Variants in TCEANC2 observed in about 807,000 individuals in gnomAD.
TCEANC2 encodes transcription elongation factor A N-terminal and central domain containing 2, also known as transcription elongation factor A N-terminal and central domain-containing protein 2.
TCEANC2 carries 20 observed loss-of-function variants against 22.8 expected under a neutral mutation model. That is an observed-to-expected ratio of 0.88 (90% CI 0.62 to 1.28). TCEANC2 has a LOEUF of 1.28. TCEANC2 is among the 50% of genes most tolerant of loss of function. TCEANC2 has a pLI of 0.00. For missense variants in TCEANC2, 251 were observed against 249.7 expected, an observed-to-expected ratio of 1.01 and a Z score of -0.03; for synonymous variants, 84 against 95.5, an observed-to-expected ratio of 0.88 and a Z score of 0.70.
At chr1:54,078,146 T>G (rs1658178498) in intron 3 of TCEANC2, among the ~76,000 whole-genome samples, 1 of 152,178 alleles carries the variant, frequency 6.6e-6, no homozygotes, top group South Asian at 2.1e-4. Flanking sequence ...TTGGCACTTT[T>G]TCTTTTTTTT....
chr1:54,084,665 C>T (rs1188692704), intron 3 of TCEANC2, among the ~76,000 whole-genome samples: 3 of 151,968 alleles, frequency 2.0e-5, no homozygotes, highest in Admixed American at 2.0e-4. Context: ...AGTTCGAGAC[C>T]AGCCTGGCCA....
chr1:54,103,024 G>A lies in TCEANC2; in HGVS notation c.*6551G>A, dbSNP rs959907674. The A allele has an allele frequency of 6.6e-6, 1 of 152,448 alleles. No individual in the cohort carries two copies. Among genetic ancestry groups the A allele is most frequent in the Admixed American group, 6.5e-5 (1 of 15,290 alleles). 9.4% of individuals were successfully genotyped at this position (152,448 alleles called of 1,614,324 possible). ...ATAAGATTGGAAAATTGGAAACAAGGAGACCTGTGGTGGAGGCATGTAGTT... is the reference window on the plus strand; with the variant it reads ...ATAAGATTGGAAAATTGGAAACAAGAAGACCTGTGGTGGAGGCATGTAGTT... On this transcript the variant is annotated 3_prime_UTR_variant, in exon 5 of 5. Transcript: ENST00000234827.
chr1:54,096,381 G>T lies in TCEANC2; in HGVS notation c.535G>T (p.Val179Phe). 1 of 1,613,692 alleles carries T rather than the reference G, an allele frequency of 6.2e-7. No homozygotes were observed. Among genetic ancestry groups the T allele is most frequent in the East Asian group, 2.2e-5 (1 of 44,878 alleles). ...GPYRRTVRAL[V>F]FTLKHRAEIR... is the part of the protein sequence containing the mutation. ...GTACCGGCGGACGGTGAGAGCCCTG[G>T]TCTTCACATTAAAGCACCGAGCTGA... The change falls in exon 5 of 5, where the codon GTC (valine) becomes TTC (phenylalanine). Residue 179 changes from valine to phenylalanine, a missense_variant. Transcript: ENST00000234827. This position sits in a 1 kb window ranked among gnomAD's most constrained non-coding sequence, Gnocchi z 4.9.
chr1:54,079,221 C>A (rs1658197509), intron 3 of TCEANC2, among the ~76,000 whole-genome samples: 1 of 152,064 alleles, frequency 6.6e-6, no homozygotes, highest in Non-Finnish European at 1.5e-5. Context: ...CAACAAAACC[C>A]CTCTTCTTAC....
intron 4 of TCEANC2, among the ~76,000 whole-genome samples, chr1:54,091,557 T>C (rs146929143): frequency 2.6e-5 from 4 of 152,294 alleles, no homozygotes; most frequent in African/African-American, 9.6e-5. Flanking sequence ...TATCCTTTAA[T>C]AGTGAAAGCC....
At chr1:54,056,220 G>A (rs919964383) in intron 2 of TCEANC2, among the ~76,000 whole-genome samples, 17 of 152,176 alleles carry the variant, frequency 1.1e-4, no homozygotes, top group Non-Finnish European at 2.4e-4. Context: ...GATCATGTCA[G>A]ACTCTCTCCA....
At position 54,105,992 on chromosome 1, in the gene TCEANC2, T is replaced by A. The variant is rs1053298765; in HGVS notation, c.*9519T>A. On this transcript the variant is annotated 3_prime_UTR_variant, in exon 5 of 5. Coordinates refer to ENST00000234827, the MANE Select transcript of TCEANC2 (RefSeq NM_153035.3). ...GCCACATGGTCTCTGTCACAACTAT[T>A]CAGCTCTGCTATTGTAATACAAAAG... 2 of 152,208 alleles carry A rather than the reference T, an allele frequency of 1.3e-5. No individual in the cohort carries two copies. Among genetic ancestry groups the A allele is most frequent in the African/African-American group, 4.8e-5 (2 of 41,452 alleles). The allele number at this position is 152,208 out of a possible 1,614,324, so 9.4% of individuals were successfully genotyped here. A position where few individuals can be genotyped will look rare whatever the true frequency, so the allele number is the denominator to read the frequency against.
intron 1 of TCEANC2, 53 bp from the exon 2 acceptor site, chr1:54,054,328 A>G (rs748687756): frequency 3.5e-5 from 54 of 1,539,990 alleles, no homozygotes; most frequent in Non-Finnish European, 4.6e-5. Flanking sequence ...TGGGGAAAAA[A>G]TATCATGGCA....
rs1311944545 is a variant in TCEANC2, at chr1:54,102,455, G to GATCATCAAGTTGACCATGT, written c.*5983_*6001dup. The GATCATCAAGTTGACCATGT allele has an allele frequency of 6.6e-6, 1 of 152,214 alleles. No homozygotes were observed. Among genetic ancestry groups the GATCATCAAGTTGACCATGT allele is most frequent in the South Asian group, 2.1e-4 (1 of 4,830 alleles). 9.4% of individuals were successfully genotyped at this position (152,214 alleles called of 1,614,324 possible). A position where few individuals can be genotyped will look rare whatever the true frequency, so the allele number is the denominator to read the frequency against. The stretch of plus-strand genomic sequence containing the variant: ...GGTAGAGACAGATCATCAGACCATG[G>GATCATCAAGTTGACCATGT]ATCATCAAGTTGACCATGTGACCAA... On this transcript the variant is annotated 3_prime_UTR_variant, in exon 5 of 5. Coordinates refer to ENST00000234827, the MANE Select transcript of TCEANC2 (RefSeq NM_153035.3).
intron 3 of TCEANC2, among the ~76,000 whole-genome samples, chr1:54,071,617 G>C (rs1438366677): frequency 6.6e-6 from 1 of 152,066 alleles, no homozygotes; most frequent in Admixed American, 6.6e-5. Flanking sequence ...ATATGCTATT[G>C]GTCACACAGA....
intron 2 of TCEANC2, among the ~76,000 whole-genome samples, chr1:54,064,385 TG>T (rs1192635029): frequency 6.6e-6 from 1 of 152,096 alleles, no homozygotes; most frequent in Non-Finnish European, 1.5e-5. Flanking sequence ...CTCCATAGAG[TG>T]TGAGCTGGCT....
downstream of TCEANC2, among the ~76,000 whole-genome samples, chr1:54,110,378 C>T (rs1200923160): frequency 2.0e-5 from 3 of 151,980 alleles, no homozygotes; most frequent in East Asian, 1.9e-4. Context: ...GTGGGAGGAT[C>T]GCTTGAGCCC....
chr1:54,065,819 T>G (rs772555785), intron 2 of TCEANC2, among the ~76,000 whole-genome samples: 16 of 152,142 alleles, frequency 1.1e-4, no homozygotes, highest in Middle Eastern at 3.4e-3. Flanking sequence ...TGGCTCACAC[T>G]TGTAATCCAT....
chr1:54,057,200 T>C (rs1174660375), intron 2 of TCEANC2, among the ~76,000 whole-genome samples: 1 of 151,262 alleles, frequency 6.6e-6, no homozygotes, highest in East Asian at 1.9e-4. Flanking sequence ...TAACTCTTTT[T>C]TCTCATATCC....
Position 54,088,600 on chromosome 1 carries a change from A to T in TCEANC2, c.248A>T (p.His83Leu). The T allele has an allele frequency of 1.9e-6, 3 of 1,597,990 alleles. No homozygotes were observed. Among genetic ancestry groups the T allele is most frequent in the Non-Finnish European group, 2.6e-6 (3 of 1,175,232 alleles). ...REVLKSTRIG[H>L]TVNKMRKHSD... ...GGTTTTTCTCTTCCTGTTCCAGGTC[A>T]CACTGTGAACAAGATGCGTAAACAC... is the stretch of plus-strand genomic sequence containing the variant. The change falls in exon 4 of 5, where the codon CAC becomes CTC. Residue 83 changes from histidine (H) to leucine (L), a missense_variant. Coordinates refer to ENST00000234827, the MANE Select transcript of TCEANC2 (RefSeq NM_153035.3).
At chr1:54,091,289 T>G (rs1398782516) in intron 4 of TCEANC2, among the ~76,000 whole-genome samples, 2 of 152,210 alleles carry the variant, frequency 1.3e-5, no homozygotes, top group Non-Finnish European at 2.9e-5. Flanking sequence ...ATCTGAGATA[T>G]TTCCATATTA....
intron 4 of TCEANC2, among the ~76,000 whole-genome samples, chr1:54,094,353 G>A (rs1004310942): frequency 6.6e-6 from 1 of 152,148 alleles, no homozygotes; most frequent in Non-Finnish European, 1.5e-5. Flanking sequence ...TTTATTTGGG[G>A]TGTGTTTTTT....
chr1:54,069,738 G>A (rs1381581323), intron 3 of TCEANC2, among the ~76,000 whole-genome samples: 1 of 152,042 alleles, frequency 6.6e-6, no homozygotes, highest in African/African-American at 2.4e-5. Context: ...TCTAAACAAG[G>A]TATATACTGG....
chr1:54,054,522 A>T lies in TCEANC2; in HGVS notation c.100A>T (p.Lys34Ter). The T allele has an allele frequency of 6.2e-7, 1 of 1,612,546 alleles. No homozygotes were observed. The highest frequency in any genetic ancestry group is 8.5e-7 in the Non-Finnish European group (1 of 1,179,290). The stretch of plus-strand genomic sequence containing the variant: ...CAAGCAGGCCACGATTGAATCTCTG[A>T]AGGTGAGAGGGGATCTGGGGCTAGA... ...VYKQATIESL[K>*]RVVVVEDIKR... Residue 34 changes from lysine (K) to a stop codon, truncating the protein, a stop_gained and splice_region_variant, in exon 2 of 5, where the codon AAG (lysine) becomes TAG (stop). Transcript: ENST00000234827. LOFTEE classifies it high-confidence loss of function.
Sources: allele counts gnomAD v4.1 joint callset (sites outside exome capture counted in the v4.1 genomes callset), GRCh38; gene constraint gnomAD v4.1.1; non-coding constraint Gnocchi (gnomAD v3.1); transcripts MANE v1.5; gene names NCBI Gene and HGNC (gene_info 2026-07-23, HGNC 2026-07-21).